The following STAG1 variants were observed in gnomAD, a reference collection of about 807,000 sequenced individuals.
The protein encoded by STAG1 is STAG1 cohesin complex component, also known as cohesin subunit SA-1.
In STAG1, 26 loss-of-function variants were observed where a neutral mutation model predicts 170.9. The observed-to-expected ratio is 0.15, with a 90% CI of 0.11 to 0.21. The LOEUF (loss-of-function observed/expected upper bound fraction) is 0.21, where lower values mean the gene tolerates loss of function less well. Among genes scored for constraint, STAG1 ranks in the 10% least tolerant of loss-of-function variants. STAG1 has a pLI of 1.00. For missense variants in STAG1, 964 were observed against 1,509.5 expected (o/e 0.64, Z 5.99); for synonymous variants, 514 against 497.7 (o/e 1.03, Z -0.44).
chr3:136,464,297 C>A lies in STAG1; in HGVS notation c.1313+584G>T, dbSNP rs545483554. ...AATTAGCCGGGCAGGGTGGCGCATG[C>A]CTGTAATCCCAGCTACTTGGGAAGC... is the stretch of plus-strand genomic sequence containing the variant. On this transcript the variant is annotated intron_variant, in intron 13 of 33. Coordinates refer to ENST00000383202, the MANE Select transcript of STAG1 (RefSeq NM_005862.3). Among the ~76,000 whole-genome samples the A allele has an allele frequency of 3.9e-5, 6 of 152,068 alleles. No homozygotes were observed. The South Asian group carries it at 1.2e-3, about 32-fold the overall frequency.
chr3:136,396,520 C>CCT (rs2087162173), intron 22 of STAG1, among the ~76,000 whole-genome samples: 1 of 43,638 alleles, frequency 2.3e-5, no homozygotes, highest in Non-Finnish European at 3.7e-5. Context: ...CGCGCCTGGC[C>CCT]TTTTTTTTTT....
At chr3:136,666,190 T>A (rs1941766320) in intron 1 of STAG1, among the ~76,000 whole-genome samples, 1 of 149,734 alleles carries the variant, frequency 6.7e-6, no homozygotes. Context: ...GAAATAGGGC[T>A]TAGTCCTACA....
At chr3:136,715,017 AT>A (rs1392166446) in intron 1 of STAG1, among the ~76,000 whole-genome samples, 3 of 115,798 alleles carry the variant, frequency 2.6e-5, no homozygotes, top group Non-Finnish European at 4.0e-5. Context: ...TATATATAAA[AT>A]ATATATATAA....
chr3:136,344,196 A>G (rs1307822198), intron 29 of STAG1, among the ~76,000 whole-genome samples, 190 bp from the exon 30 acceptor site: 1 of 152,184 alleles, frequency 6.6e-6, no homozygotes, highest in African/African-American at 2.4e-5. Flanking sequence ...CATACATACA[A>G]TGGGGATGCA....
intron 1 of STAG1, among the ~76,000 whole-genome samples, chr3:136,668,418 AAT>A (rs569684786): frequency 3.0e-3 from 433 of 146,474 alleles, no homozygotes; most frequent in Non-Finnish European, 4.8e-3. Flanking sequence ...ATATATATAA[AAT>A]ATATAACATT....
At chr3:136,395,925 C>T (rs1241166527) in intron 22 of STAG1, among the ~76,000 whole-genome samples, 2 of 152,250 alleles carry the variant, frequency 1.3e-5, no homozygotes, top group African/African-American at 2.4e-5. Flanking sequence ...CAAAAAAAGA[C>T]AAGAGGCTCG....
intron 9 of STAG1, among the ~76,000 whole-genome samples, chr3:136,478,523 C>T (rs934980201): frequency 6.6e-6 from 1 of 152,128 alleles, no homozygotes; most frequent in Non-Finnish European, 1.5e-5. Context: ...TTCTGATTTA[C>T]CATTCACAAA....
At chr3:136,666,285 T>C (rs1941771067) in intron 1 of STAG1, among the ~76,000 whole-genome samples, 1 of 151,906 alleles carries the variant, frequency 6.6e-6, no homozygotes, top group African/African-American at 2.4e-5. Context: ...AAAACAGCGC[T>C]GCCAACACCT....
At chr3:136,559,684 T>C (rs1216277693) in intron 5 of STAG1, among the ~76,000 whole-genome samples, 1 of 152,198 alleles carries the variant, frequency 6.6e-6, no homozygotes, top group Middle Eastern at 3.2e-3. Context: ...TATTTGATAT[T>C]TGTCAAGTAC....
At chr3:136,744,424 C>G (rs1484742198) in intron 1 of STAG1, among the ~76,000 whole-genome samples, 1 of 152,182 alleles carries the variant, frequency 6.6e-6, no homozygotes, top group African/African-American at 2.4e-5. Context: ...TACTATCTTA[C>G]TAACATCTTT....
intron 26 of STAG1, among the ~76,000 whole-genome samples, chr3:136,359,842 ATATT>A (rs1936793776): frequency 6.6e-6 from 1 of 152,216 alleles, no homozygotes; most frequent in African/African-American, 2.4e-5. Flanking sequence ...AAAAGGAAAT[ATATT>A]TATAGAAGTA....
At chr3:136,498,233 T>TATATATATATATATACACACAC in intron 9 of STAG1, among the ~76,000 whole-genome samples, 2 of 57,490 alleles carry the variant, frequency 3.5e-5, no homozygotes, top group Non-Finnish European at 5.6e-5. Context: ...TATATATATA[T>TATATATATATATATACACACAC]ACACATACAT....
At chr3:136,736,803 C>G in intron 1 of STAG1, 2 of 1,588,236 alleles carry the variant, frequency 1.3e-6, no homozygotes, top group Non-Finnish European at 1.7e-6. Context: ...TCATCCTCCT[C>G]TACAATTGTA....
chr3:136,580,543 T>C (rs1184118643), intron 4 of STAG1, among the ~76,000 whole-genome samples: 1 of 142,260 alleles, frequency 7.0e-6, no homozygotes, highest in Non-Finnish European at 1.5e-5. Context: ...TTTTTTTTTT[T>C]TGAGACGGAG....
At chr3:136,536,375 G>A (rs766625038) in intron 6 of STAG1, among the ~76,000 whole-genome samples, 20 of 152,094 alleles carry the variant, frequency 1.3e-4, no homozygotes, top group Non-Finnish European at 2.2e-4. Context: ...AACTGTTACT[G>A]AGTAATCTTT....
intron 7 of STAG1, among the ~76,000 whole-genome samples, chr3:136,508,849 C>T (rs1380860807): frequency 6.6e-6 from 1 of 152,154 alleles, no homozygotes; most frequent in Non-Finnish European, 1.5e-5. Flanking sequence ...ATCAGTGAAA[C>T]GTGTGTACGT....
chr3:136,441,007 A>G (rs2088614086), intron 15 of STAG1, among the ~76,000 whole-genome samples: 1 of 150,982 alleles, frequency 6.6e-6, no homozygotes, highest in Non-Finnish European at 1.5e-5. Context: ...GGCCCTGTCA[A>G]CTTAACAACA....
At chr3:136,697,688 A>T (rs1480864940) in intron 1 of STAG1, among the ~76,000 whole-genome samples, 1 of 152,228 alleles carries the variant, frequency 6.6e-6, no homozygotes, top group African/African-American at 2.4e-5. Context: ...CTATAATGCA[A>T]TGTACTTTTT....
chr3:136,691,337 C>T (rs901039785), intron 1 of STAG1, among the ~76,000 whole-genome samples: 5 of 151,272 alleles, frequency 3.3e-5, no homozygotes, highest in South Asian at 2.1e-4. Flanking sequence ...CGGGAGGCTG[C>T]GGCAGAAGAA....
Sources: allele counts gnomAD v4.1 joint callset (sites outside exome capture counted in the v4.1 genomes callset), GRCh38; gene constraint gnomAD v4.1.1; transcripts MANE v1.5; gene names NCBI Gene and HGNC (gene_info 2026-07-23, HGNC 2026-07-21).